Variants in AMBRA1 observed in about 807,000 individuals in gnomAD.
AMBRA1 encodes activating molecule in BECN1-regulated autophagy protein 1.
A neutral mutation model predicts 125.4 loss-of-function variants in AMBRA1; 47 were observed. The ratio of observed to expected loss-of-function variants is 0.37; its 90% CI spans 0.30 to 0.48. The LOEUF is 0.48. Ranked by LOEUF, AMBRA1 falls within the 20% of genes least tolerant of loss-of-function variation. AMBRA1 has a pLI of 0.99. For synonymous variants in AMBRA1, 626 were observed against 655.5 expected (o/e 0.95, Z 0.69); for missense variants, 1,331 against 1,693.4 (o/e 0.79, Z 3.76).
At chr11:46,414,252 C>T (rs116919080) in intron 15 of AMBRA1, among the ~76,000 whole-genome samples, 2 of 152,326 alleles carry the variant, frequency 1.3e-5, no homozygotes, top group East Asian at 1.9e-4. Context: ...GGTGTCTCTG[C>T]AGCGCGGGAA....
chr11:46,477,140 A>G (rs1017114654), intron 11 of AMBRA1, among the ~76,000 whole-genome samples: 2 of 151,388 alleles, frequency 1.3e-5, no homozygotes, highest in Non-Finnish European at 2.9e-5. Context: ...ACTGAGACCC[A>G]CAACAGATAA....
chr11:46,559,824 T>C (rs2043273703), intron 1 of AMBRA1, among the ~76,000 whole-genome samples: 2 of 152,210 alleles, frequency 1.3e-5, no homozygotes, highest in South Asian at 4.1e-4. Flanking sequence ...ATTTCAAGTT[T>C]TCCTCCAATA....
chr11:46,506,659 C>A (rs1951045667), intron 9 of AMBRA1, among the ~76,000 whole-genome samples: 1 of 152,124 alleles, frequency 6.6e-6, no homozygotes, highest in Admixed American at 6.5e-5. Context: ...TTCACAAATG[C>A]CAGTGAAGAA....
At chr11:46,478,144 CA>C (rs964195115) in intron 11 of AMBRA1, among the ~76,000 whole-genome samples, 1 of 152,106 alleles carries the variant, frequency 6.6e-6, no homozygotes, top group African/African-American at 2.4e-5. Flanking sequence ...TCAATAATGC[CA>C]AGTAAAAGCT....
chr11:46,501,950 A>G (rs555868886), intron 9 of AMBRA1, among the ~76,000 whole-genome samples: 2 of 152,348 alleles, frequency 1.3e-5, no homozygotes, highest in East Asian at 3.8e-4. Flanking sequence ...TCTCCTAAGT[A>G]TACCTAAATA....
chr11:46,544,346 C>T (rs1017723958), intron 5 of AMBRA1, among the ~76,000 whole-genome samples: 8 of 152,286 alleles, frequency 5.3e-5, no homozygotes, highest in African/African-American at 1.4e-4. Context: ...TCATCCTAAC[C>T]GTAAAGCATA....
chr11:46,486,908 C>CATAAATAAATAA (rs56834227), intron 11 of AMBRA1, among the ~76,000 whole-genome samples: 15 of 139,252 alleles, frequency 1.1e-4, no homozygotes, highest in East Asian at 4.2e-4. Flanking sequence ...TCCATCTCAA[C>CATAAATAAATAA]ATAAATAAAT....
chr11:46,440,990 T>A (rs1044592885), intron 12 of AMBRA1, among the ~76,000 whole-genome samples: 5 of 152,116 alleles, frequency 3.3e-5, no homozygotes, highest in African/African-American at 9.7e-5. Flanking sequence ...ACAGAGGAAG[T>A]CCACAGTAAT....
At chr11:46,578,679 C>T (rs771750385) in intron 1 of AMBRA1, among the ~76,000 whole-genome samples, 3 of 151,264 alleles carry the variant, frequency 2.0e-5, no homozygotes, top group East Asian at 2.0e-4. Context: ...GTCAGGAGAT[C>T]GAGACCATCC....
At chr11:46,505,422 T>A (rs1950996555) in intron 9 of AMBRA1, among the ~76,000 whole-genome samples, 2 of 152,230 alleles carry the variant, frequency 1.3e-5, no homozygotes, top group African/African-American at 2.4e-5. Context: ...AGTAACATCC[T>A]TTACTAGAAG....
At chr11:46,492,277 T>C (rs915174186) in intron 11 of AMBRA1, among the ~76,000 whole-genome samples, 1 of 152,156 alleles carries the variant, frequency 6.6e-6, no homozygotes, top group African/African-American at 2.4e-5. Context: ...TTTCTAAGCA[T>C]TGATGTTGGA....
chr11:46,512,014 C>T (rs1951278192), intron 8 of AMBRA1, among the ~76,000 whole-genome samples: 2 of 152,170 alleles, frequency 1.3e-5, no homozygotes, highest in Admixed American at 6.5e-5. Flanking sequence ...GCCAACATGC[C>T]CAGCTAATTT....
At chr11:46,498,300 T>A (rs1452152272) in intron 9 of AMBRA1, among the ~76,000 whole-genome samples, 1 of 152,000 alleles carries the variant, frequency 6.6e-6, no homozygotes, top group Admixed American at 6.6e-5. Context: ...TCCTCCAACA[T>A]AGGAGGAATA....
chr11:46,575,974 G>C (rs745949785), intron 1 of AMBRA1, among the ~76,000 whole-genome samples: 1 of 152,088 alleles, frequency 6.6e-6, no homozygotes, highest in Non-Finnish European at 1.5e-5. Flanking sequence ...TATAACCAGG[G>C]ACCAAAGCTA....
At chr11:46,493,066 TAAAC>T (rs1353460935) in intron 11 of AMBRA1, among the ~76,000 whole-genome samples, 2 of 152,064 alleles carry the variant, frequency 1.3e-5, no homozygotes, top group East Asian at 3.9e-4. Flanking sequence ...AATAAGTAAA[TAAAC>T]AATAAAACTG....
chr11:46,400,472 AGTTTTTTTTTTTTTT>A, intron 17 of AMBRA1, among the ~76,000 whole-genome samples: 1 of 29,464 alleles, frequency 3.4e-5, no homozygotes, highest in African/African-American at 1.2e-4. Flanking sequence ...TTCTTTCTAT[AGTTTTTTTTTTTTTT>A]TTTTTTTTTT....
intron 1 of AMBRA1, among the ~76,000 whole-genome samples, chr11:46,552,167 G>A (rs1333763004): frequency 6.8e-6 from 1 of 148,080 alleles, no homozygotes; most frequent in Non-Finnish European, 1.5e-5. Flanking sequence ...TCAGGAATTC[G>A]GTATTAGCCT....
chr11:46,469,514 A>G (rs1364871221), intron 11 of AMBRA1, among the ~76,000 whole-genome samples: 1 of 152,232 alleles, frequency 6.6e-6, no homozygotes, highest in Non-Finnish European at 1.5e-5. Flanking sequence ...TACACCTATT[A>G]TATGTGTAAT....
At chr11:46,471,952 G>A (rs955367428) in intron 11 of AMBRA1, among the ~76,000 whole-genome samples, 6 of 152,076 alleles carry the variant, frequency 3.9e-5, no homozygotes, top group Admixed American at 6.6e-5. Context: ...TTCAGGATTT[G>A]TTGCCTCGTT....
Sources: allele counts gnomAD v4.1 joint callset (sites outside exome capture counted in the v4.1 genomes callset), GRCh38; gene constraint gnomAD v4.1.1; transcripts MANE v1.5; gene names NCBI Gene and HGNC (gene_info 2026-07-23, HGNC 2026-07-21).